The following MGAT4A variants were observed in gnomAD, a reference collection of about 807,000 sequenced individuals.
MGAT4A encodes the protein N-acetylglucosaminyltransferase IVa.
In MGAT4A, 33 loss-of-function variants were observed where a neutral mutation model predicts 74.1. That is an observed-to-expected ratio of 0.45 (90% CI 0.34 to 0.60). MGAT4A has a LOEUF of 0.60. Among genes scored for constraint, MGAT4A ranks in the 20% least tolerant of loss-of-function variants. The pLI, the probability that MGAT4A is intolerant of heterozygous loss-of-function variation, is 0.02. For missense variants in MGAT4A, 479 were observed against 628.3 expected (o/e 0.76, Z 2.54); for synonymous variants, 198 against 210.4 (o/e 0.94, Z 0.51).
intron 2 of MGAT4A, among the ~76,000 whole-genome samples, chr2:98,699,189 C>T (rs1400713489): frequency 1.3e-5 from 2 of 152,204 alleles, no homozygotes; most frequent in African/African-American, 2.4e-5. Flanking sequence ...TTGTCTACCA[C>T]GAAAGCTCAT....
chr2:98,657,078 G>A (rs545006692), intron 6 of MGAT4A, among the ~76,000 whole-genome samples: 36 of 152,240 alleles, frequency 2.4e-4, no homozygotes, highest in Admixed American at 7.8e-4. Context: ...CAATGCATAC[G>A]GCAGCCCCCA....
chr2:98,728,897 T>C (rs115481104), intron 1 of MGAT4A, among the ~76,000 whole-genome samples: 99 of 152,308 alleles, frequency 6.5e-4, no homozygotes, highest in African/African-American at 2.3e-3. Flanking sequence ...ATTAAAATAC[T>C]TATAACTTTC....
At chr2:98,654,905 C>T (rs1206723406) in intron 8 of MGAT4A, among the ~76,000 whole-genome samples, 1 of 152,158 alleles carries the variant, frequency 6.6e-6, no homozygotes, top group African/African-American at 2.4e-5. Flanking sequence ...AAACATGCTA[C>T]ATGTCAGGTG....
chr2:98,704,194 AAGC>A (rs1702391545), intron 2 of MGAT4A, among the ~76,000 whole-genome samples: 1 of 152,176 alleles, frequency 6.6e-6, no homozygotes, highest in African/African-American at 2.4e-5. Flanking sequence ...AAGAGAGAAA[AAGC>A]AGCAATACGA....
intron 10 of MGAT4A, among the ~76,000 whole-genome samples, chr2:98,643,553 T>C (rs781194099): frequency 6.6e-6 from 1 of 152,166 alleles, no homozygotes; most frequent in African/African-American, 2.4e-5. Flanking sequence ...GGGTCTAATA[T>C]CGTCCCCAGT....
chr2:98,685,865 G>A (rs1405531332), intron 2 of MGAT4A, among the ~76,000 whole-genome samples: 1 of 152,116 alleles, frequency 6.6e-6, no homozygotes, highest in African/African-American at 2.4e-5. Context: ...CCAGTCCCAG[G>A]TCCATGAGCG....
At chr2:98,729,394 C>T (rs1186078898) in intron 1 of MGAT4A, among the ~76,000 whole-genome samples, 1 of 152,196 alleles carries the variant, frequency 6.6e-6, no homozygotes, top group Admixed American at 6.5e-5. Flanking sequence ...TCTACTCACT[C>T]TTCAATTATG....
intron 2 of MGAT4A, among the ~76,000 whole-genome samples, chr2:98,681,739 G>T (rs56163086): frequency 0.24 from 36,008 of 151,928 alleles, 5,058 homozygotes; most frequent in Non-Finnish European, 0.32. Flanking sequence ...GAGGATCACT[G>T]GAGCCGAGTT....
At chr2:98,691,984 A>G (rs994736605) in intron 2 of MGAT4A, among the ~76,000 whole-genome samples, 1 of 152,254 alleles carries the variant, frequency 6.6e-6, no homozygotes, top group Non-Finnish European at 1.5e-5. Context: ...TGAATATAAA[A>G]AACAAAATAT....
At chr2:98,625,626 C>T (rs1313697065) in intron 15 of MGAT4A, 34 bp from the exon 16 acceptor site, 9 of 1,579,814 alleles carry the variant, frequency 5.7e-6, no homozygotes, top group Admixed American at 5.3e-5. Context: ...TATGATAAAG[C>T]TGTTAATTCT....
At chr2:98,686,786 A>G (rs1035697747) in intron 2 of MGAT4A, among the ~76,000 whole-genome samples, 2 of 152,152 alleles carry the variant, frequency 1.3e-5, no homozygotes, top group Non-Finnish European at 2.9e-5. Flanking sequence ...ACCTCAAGTG[A>G]TCTGCCCGCC....
chr2:98,628,196 T>A (rs1190485936), intron 14 of MGAT4A, among the ~76,000 whole-genome samples: 1 of 152,180 alleles, frequency 6.6e-6, no homozygotes, highest in Non-Finnish European at 1.5e-5. Context: ...GGGCCAACCC[T>A]CAGTGTCTTC....
intron 14 of MGAT4A, among the ~76,000 whole-genome samples, chr2:98,629,004 G>T (rs1180846842): frequency 6.6e-6 from 1 of 152,152 alleles, no homozygotes; most frequent in Non-Finnish European, 1.5e-5. Context: ...TTTATTTATG[G>T]ACACAGAAAT....
At chr2:98,714,415 G>C (rs917399408) in intron 2 of MGAT4A, among the ~76,000 whole-genome samples, 4 of 152,282 alleles carry the variant, frequency 2.6e-5, no homozygotes, top group African/African-American at 4.8e-5. Flanking sequence ...GTCGGAGGCA[G>C]GACTTACAAA....
At chr2:98,645,298 T>G (rs1701468409) in intron 9 of MGAT4A, 130 bp downstream of exon 9, 1 of 613,080 alleles carries the variant, frequency 1.6e-6, no homozygotes, top group Non-Finnish European at 2.7e-6. Flanking sequence ...TTTACCTAAC[T>G]TAAGTTTTCT....
At chr2:98,708,789 T>C (rs1056451790) in intron 2 of MGAT4A, among the ~76,000 whole-genome samples, 1 of 152,238 alleles carries the variant, frequency 6.6e-6, no homozygotes. Flanking sequence ...CTTTCTTAAA[T>C]TGAAACTGTG....
chr2:98,650,678 C>T (rs77711904), intron 8 of MGAT4A, among the ~76,000 whole-genome samples: 6,493 of 152,208 alleles, frequency 0.043, 235 homozygotes, highest in African/African-American at 0.095. Flanking sequence ...AGGCCAGGCG[C>T]GGTGGCTCAC....
At chr2:98,730,429 C>T (rs1393452188) in intron 1 of MGAT4A, among the ~76,000 whole-genome samples, 2 of 152,194 alleles carry the variant, frequency 1.3e-5, no homozygotes, top group East Asian at 3.9e-4. Flanking sequence ...ACGGGGGCTG[C>T]TCTTTCACGC....
chr2:98,717,196 A>G (rs1434476980), intron 2 of MGAT4A, among the ~76,000 whole-genome samples: 1 of 152,150 alleles, frequency 6.6e-6, no homozygotes, highest in African/African-American at 2.4e-5. Context: ...CCTGGCCAAC[A>G]TGGTGAAACC....
Sources: gnomAD v4.1 joint callset for allele counts (sites outside exome capture counted in the v4.1 genomes callset) on GRCh38, gnomAD v4.1.1 for gene constraint, MANE v1.5 for transcripts, NCBI Gene and HGNC (gene_info 2026-07-23, HGNC 2026-07-21) for gene names.